Variants in IFT88 observed in about 807,000 individuals in gnomAD.
IFT88 encodes the protein intraflagellar transport protein 88 homolog.
A neutral mutation model predicts 119.5 loss-of-function variants in IFT88; 74 were observed. The observed-to-expected ratio is 0.62, with a 90% confidence interval of 0.51 to 0.75. The LOEUF is 0.75. IFT88 is among the 30% of genes least tolerant of loss of function. IFT88 has a pLI of 0.00. For synonymous variants in IFT88, 279 were observed against 316.7 expected (o/e 0.88, Z 1.26); for missense variants, 961 against 977.7 (o/e 0.98, Z 0.23).
intron 22 of IFT88, among the ~76,000 whole-genome samples, chr13:20,662,572 T>C (rs1194401512): frequency 6.6e-6 from 1 of 152,244 alleles, no homozygotes; most frequent in Non-Finnish European, 1.5e-5. Flanking sequence ...GAGTAACTTT[T>C]ATTTTTTGTT....
chr13:20,690,609 T>A (rs1041128613), intron 24 of IFT88, 96 bp from the exon 25 acceptor site: 25 of 781,232 alleles, frequency 3.2e-5, no homozygotes, highest in Admixed American at 2.1e-5. Flanking sequence ...ACAACCTGCT[T>A]GTTTCTTGGC....
At position 20,574,410 on chromosome 13, in the gene IFT88, C is replaced by T. The variant is rs200359008; in HGVS notation, c.25C>T (p.Pro9Ser). Reference sequence around the variant, plus strand: ...AATGATGCAAAATGTGCACCTGGCTCCAGAGACAGATGAAGATGATCTTTA... The same window carrying T: ...AATGATGCAAAATGTGCACCTGGCTTCAGAGACAGATGAAGATGATCTTTA... The part of the protein sequence containing the change: MMQNVHLA[P>S]ETDEDDLYSG... The change falls in exon 2 of 26, where the codon CCA becomes TCA. Residue 9 changes from proline (P) to serine (S), a missense_variant. By Grantham distance (74) the Pro-to-Ser change is moderately conservative. Transcript: ENST00000351808. 4.5e-5 allele frequency: 72 copies of T among 1,611,350 alleles called. No individual in the cohort carries two copies. Among genetic ancestry groups the T allele is most frequent in the Non-Finnish European group, 5.9e-5 (69 of 1,178,400 alleles).
intron 21 of IFT88, among the ~76,000 whole-genome samples, chr13:20,655,551 G>A (rs981719160): frequency 7.2e-5 from 11 of 151,968 alleles, no homozygotes; most frequent in African/African-American, 2.7e-4. Context: ...GGCCTGCAGT[G>A]GCACTAATCA....
chr13:20,652,838 G>A (rs1259485989), intron 20 of IFT88, among the ~76,000 whole-genome samples: 2 of 152,172 alleles, frequency 1.3e-5, no homozygotes, highest in Non-Finnish European at 2.9e-5. Flanking sequence ...TTAGCAGAGA[G>A]TAAAGAGGTT....
chr13:20,655,812 A>G (rs2052677012), intron 21 of IFT88, among the ~76,000 whole-genome samples: 1 of 152,204 alleles, frequency 6.6e-6, no homozygotes, highest in Non-Finnish European at 1.5e-5. Flanking sequence ...CTATAAAAAC[A>G]TCTTAAATAT....
chr13:20,589,802 C>T lies in IFT88; in HGVS notation c.154-9C>T, dbSNP rs759751357. On this transcript the variant is annotated splice_polypyrimidine_tract_variant and intron_variant, in intron 3 of 25. Transcript: ENST00000351808. Reference sequence around the variant, plus strand: ...AATCCTGTTAACTATGTTCTTTTTCCTCCCCAAGATAACTGCTAAAATATC... The same window carrying T: ...AATCCTGTTAACTATGTTCTTTTTCTTCCCCAAGATAACTGCTAAAATATC... 40 of 1,582,436 alleles carry T rather than the reference C, an allele frequency of 2.5e-5. No individual in the cohort carries two copies. The highest frequency in any genetic ancestry group is 3.4e-4 in the Middle Eastern group (2 of 5,956).
At position 20,574,444 on chromosome 13, in the gene IFT88, A is replaced by G. The variant is rs1351944278; in HGVS notation, c.59A>G (p.Tyr20Cys). The change falls in exon 2 of 26, where the codon TAT becomes TGT. Residue 20 changes from tyrosine (Y) to cysteine (C), a missense_variant. By Grantham distance (194) the Tyr-to-Cys change is radical. Transcript: ENST00000351808. ...ETDEDDLYSG[Y>C]NDYNPIYDIE... is the part of the protein sequence containing the mutation. ...GATGAAGATGATCTTTATTCCGGCTATAATGACTACAATCCAATCTATGAT... is the reference window on the plus strand; with the variant it reads ...GATGAAGATGATCTTTATTCCGGCTGTAATGACTACAATCCAATCTATGAT... 5 of 1,610,050 alleles carry G rather than the reference A, an allele frequency of 3.1e-6. No individual in the cohort carries two copies. The highest frequency in any genetic ancestry group is 4.2e-6 in the Non-Finnish European group (5 of 1,176,966).
intron 23 of IFT88, 134 bp downstream of exon 23, chr13:20,663,738 G>A: frequency 3.2e-6 from 2 of 633,442 alleles, no homozygotes; most frequent in Non-Finnish European, 5.4e-6. Context: ...CATAATAGGA[G>A]GAATAACTAA....
chr13:20,671,445 T>A (rs1486886456), intron 24 of IFT88, among the ~76,000 whole-genome samples: 2 of 152,204 alleles, frequency 1.3e-5, no homozygotes, highest in Non-Finnish European at 2.9e-5. Flanking sequence ...GTCTGACTTT[T>A]AGTGTAGAAT....
intron 24 of IFT88, among the ~76,000 whole-genome samples, chr13:20,686,199 A>G (rs1323365536): frequency 6.6e-6 from 1 of 152,190 alleles, no homozygotes; most frequent in African/African-American, 2.4e-5. Flanking sequence ...AGATGATATA[A>G]CTTCTAGAGA....
At chr13:20,578,381 T>TC (rs1318186988) in intron 2 of IFT88, among the ~76,000 whole-genome samples, 22 of 142,662 alleles carry the variant, frequency 1.5e-4, no homozygotes, top group South Asian at 6.5e-4. Context: ...TTTTTTTTTT[T>TC]CAGTCTTGTT....
At chr13:20,671,370 C>T (rs2055828726) in intron 24 of IFT88, among the ~76,000 whole-genome samples, 1 of 152,126 alleles carries the variant, frequency 6.6e-6, no homozygotes, top group African/African-American at 2.4e-5. Context: ...TTAAAATTTC[C>T]ATTTGAAGGA....
chr13:20,627,801 A>G (rs2047592510), intron 15 of IFT88, among the ~76,000 whole-genome samples: 1 of 151,334 alleles, frequency 6.6e-6, no homozygotes, highest in Non-Finnish European at 1.5e-5. Context: ...TATGTTCATT[A>G]AGCAATAAAC....
chr13:20,583,612 C>T (rs1276452440), intron 3 of IFT88, among the ~76,000 whole-genome samples: 1 of 152,110 alleles, frequency 6.6e-6, no homozygotes, highest in African/African-American at 2.4e-5. Context: ...CTTTGATACA[C>T]CAAAGTTTTT....
intron 13 of IFT88, among the ~76,000 whole-genome samples, chr13:20,614,817 C>CTTTTTTTT (rs762297940): frequency 0.02 from 2,523 of 125,556 alleles, 136 homozygotes; most frequent in Non-Finnish European, 0.031. Flanking sequence ...TATTTCTTTT[C>CTTTTTTTT]TTTTTTTTTT....
chr13:20,680,209 G>A (rs1250398922), intron 24 of IFT88, among the ~76,000 whole-genome samples: 1 of 152,190 alleles, frequency 6.6e-6, no homozygotes, highest in Non-Finnish European at 1.5e-5. Flanking sequence ...TCATGGAGAT[G>A]TTACATTCAG....
At chr13:20,644,979 T>C (rs1471413112) in intron 20 of IFT88, 21 bp downstream of exon 20, 1 of 1,127,514 alleles carries the variant, frequency 8.9e-7, no homozygotes, top group South Asian at 1.4e-5. Flanking sequence ...ATTAGGATTT[T>C]ATGTTTAGTT....
chr13:20,640,233 T>C (rs2049669873), intron 17 of IFT88, among the ~76,000 whole-genome samples: 1 of 152,140 alleles, frequency 6.6e-6, no homozygotes, highest in South Asian at 2.1e-4. Flanking sequence ...TTCTGTTGAG[T>C]TTCAAAATTT....
At chr13:20,612,096 A>G (rs1216807500) in intron 13 of IFT88, 1 of 149,836 alleles carries the variant, frequency 6.7e-6, no homozygotes, top group Non-Finnish European at 1.5e-5. Flanking sequence ...GTTAGAATAA[A>G]TGAGGTTGTA....
Sources: gnomAD v4.1 joint callset for allele counts (sites outside exome capture counted in the v4.1 genomes callset) on GRCh38, gnomAD v4.1.1 for gene constraint, MANE v1.5 for transcripts, NCBI Gene and HGNC (gene_info 2026-07-23, HGNC 2026-07-21) for gene names.